Variants in XRN1 observed in about 807,000 individuals in gnomAD.
XRN1 encodes the protein 5'-3' exoribonuclease 1, also known as strand-exchange protein 1 homolog.
XRN1 carries 67 observed loss-of-function variants against 222.3 expected under a neutral mutation model. The observed-to-expected ratio is 0.30, with a 90% CI of 0.25 to 0.37. The LOEUF (loss-of-function observed/expected upper bound fraction) is 0.37, where lower values mean the gene tolerates loss of function less well. Among genes scored for constraint, XRN1 ranks in the 10% least tolerant of loss-of-function variants. XRN1 has a pLI of 1.00. For synonymous variants in XRN1, 643 were observed against 652.4 expected (o/e 0.99, Z 0.22); for missense variants, 1,707 against 2,000.2 (o/e 0.85, Z 2.80).
intron 9 of XRN1, 152 bp downstream of exon 9, chr3:142,421,324 A>G (rs965861151): frequency 7.6e-6 from 7 of 924,476 alleles, no homozygotes; most frequent in Non-Finnish European, 1.1e-5. Flanking sequence ...TAGAAAGCAA[A>G]TAAAAATAAA....
chr3:142,383,617 C>A (rs1336469715), intron 21 of XRN1, among the ~76,000 whole-genome samples: 1 of 152,130 alleles, frequency 6.6e-6, no homozygotes, highest in African/African-American at 2.4e-5. Flanking sequence ...TTCATTTAAT[C>A]CTCATGACAA....
At chr3:142,323,113 T>C (rs959209338) in intron 37 of XRN1, among the ~76,000 whole-genome samples, 1 of 152,136 alleles carries the variant, frequency 6.6e-6, no homozygotes, top group Non-Finnish European at 1.5e-5. Flanking sequence ...AGCCACCGCA[T>C]CTAGCGCATG....
At chr3:142,328,614 G>A (rs2065587588) in intron 37 of XRN1, among the ~76,000 whole-genome samples, 2 of 148,272 alleles carry the variant, frequency 1.3e-5, no homozygotes, top group African/African-American at 4.9e-5. Flanking sequence ...TTCTACAGCT[G>A]TTGGATGAAA....
chr3:142,376,731 G>C (rs1050101697), intron 23 of XRN1, 137 bp from the exon 24 acceptor site: 2 of 650,090 alleles, frequency 3.1e-6, no homozygotes, highest in South Asian at 4.8e-5. Flanking sequence ...TTTTCACTTA[G>C]ATCCATTTCC....
At chr3:142,354,504 T>C (rs2066406577) in intron 32 of XRN1, among the ~76,000 whole-genome samples, 2 of 152,276 alleles carry the variant, frequency 1.3e-5, no homozygotes, top group South Asian at 4.1e-4. Flanking sequence ...CTATTCACAA[T>C]AGCAAAGACA....
At chr3:142,421,703 A>C (rs1231181322) in intron 8 of XRN1, among the ~76,000 whole-genome samples, 160 bp from the exon 9 acceptor site, 1 of 152,226 alleles carries the variant, frequency 6.6e-6, no homozygotes, top group East Asian at 1.9e-4. Context: ...GTTTCTGTGA[A>C]TTTTATGCTA....
At chr3:142,409,906 T>G (rs1311315233) in intron 15 of XRN1, among the ~76,000 whole-genome samples, 1 of 152,210 alleles carries the variant, frequency 6.6e-6, no homozygotes, top group African/African-American at 2.4e-5. Flanking sequence ...AGCAGAATCT[T>G]TAAGCTTCTT....
At chr3:142,384,500 A>G (rs1199147795) in intron 21 of XRN1, 23 bp downstream of exon 21, 1 of 1,593,962 alleles carries the variant, frequency 6.3e-7, no homozygotes, top group Non-Finnish European at 8.5e-7. Flanking sequence ...TTAAGACAGA[A>G]TTGAAACTTG....
At chr3:142,319,907 T>TACACACAC (rs113013809) in intron 37 of XRN1, among the ~76,000 whole-genome samples, 1 of 148,814 alleles carries the variant, frequency 6.7e-6, no homozygotes, top group African/African-American at 2.5e-5. Context: ...GGTGTGTGTA[T>TACACACAC]ACACACACAC....
chr3:142,366,233 G>C (rs187193204), intron 27 of XRN1, among the ~76,000 whole-genome samples: 1 of 151,956 alleles, frequency 6.6e-6, no homozygotes, highest in Non-Finnish European at 1.5e-5. Context: ...AATTCTTATC[G>C]AATTTTAAAA....
intron 25 of XRN1, among the ~76,000 whole-genome samples, chr3:142,374,275 C>T (rs555205473): frequency 1.3e-5 from 2 of 152,272 alleles, no homozygotes; most frequent in South Asian, 4.1e-4. Context: ...AGCTGCACAA[C>T]AGCCCTAGAG....
In XRN1 at chr3:142,421,040, G is replaced by C; in HGVS notation, c.1149C>G (p.Asn383Lys). 6.2e-7 allele frequency: 1 copy of C among 1,613,988 alleles called. No homozygotes were observed. Among genetic ancestry groups the C allele is most frequent in the East Asian group, 2.2e-5 (1 of 44,836 alleles). Residue 383 changes from asparagine (N) to lysine (K), a missense_variant, in exon 10 of 41, where the codon AAC becomes AAG. Around this residue, in one of 2 missense-constraint regions of XRN1, gnomAD observed 1,234 missense variants for 1,518.2 expected, o/e 0.81. Coordinates refer to ENST00000392981, the MANE Select transcript of XRN1 (RefSeq NM_001282857.2). Reference sequence around the variant, plus strand: ...CCTTTAACTTTTTCTTTTCCTTGTAGTTCCTGGCTTCTTCTGCTGCGACAC... The same window carrying C: ...CCTTTAACTTTTTCTTTTCCTTGTACTTCCTGGCTTCTTCTGCTGCGACAC... ...AAGVAAEEAR[N>K]YKEKKKLKGQ...
In XRN1 at chr3:142,431,874, ATT is replaced by A. The variant is rs1559879400; in HGVS notation, c.308+785_308+786del. Among the ~76,000 whole-genome samples, 91 of 27,582 alleles carry A rather than the reference ATT, an allele frequency of 3.3e-3. 1 individual carries two copies. The highest frequency in any genetic ancestry group is 0.03 in the African/African-American group (89 of 2,996). 18.1% of individuals were successfully genotyped at this position (27,582 alleles called of 152,430 possible). ...ATATATATTATATATAATATATTAT[ATT>A]ATATATATTATATATAATATATATA... On this transcript the variant is annotated intron_variant, in intron 2 of 40. Coordinates refer to ENST00000392981, the MANE Select transcript of XRN1 (RefSeq NM_001282857.2).
chr3:142,409,266 T>C (rs2068468205), intron 15 of XRN1, among the ~76,000 whole-genome samples: 1 of 152,258 alleles, frequency 6.6e-6, no homozygotes, highest in Non-Finnish European at 1.5e-5. Context: ...AATTTTCTCC[T>C]AAGTTTGCTT....
At chr3:142,427,361 C>T (rs1452803131) in intron 2 of XRN1, among the ~76,000 whole-genome samples, 2 of 151,512 alleles carry the variant, frequency 1.3e-5, no homozygotes, top group Non-Finnish European at 2.9e-5. Flanking sequence ...TTGAATTTTT[C>T]GGATTAGGAA....
chr3:142,332,660 T>A, intron 35 of XRN1, 126 bp from the exon 36 acceptor site: 1 of 934,242 alleles, frequency 1.1e-6, no homozygotes, highest in East Asian at 2.8e-5. Flanking sequence ...ATTAACTACA[T>A]TCAGATAGAA....
At chr3:142,326,440 T>TG (rs1387391237) in intron 37 of XRN1, among the ~76,000 whole-genome samples, 1 of 152,090 alleles carries the variant, frequency 6.6e-6, no homozygotes, top group Non-Finnish European at 1.5e-5. Context: ...ATTAATTTCT[T>TG]GGTTTCTTTT....
In XRN1 at chr3:142,421,045, TGGC is replaced by T; in HGVS notation, c.1141_1143del (p.Ala381del). The stretch of plus-strand genomic sequence containing the variant: ...AACTTTTTCTTTTCCTTGTAGTTCC[TGGC>T]TTCTTCTGCTGCGACACCTGCTGCT... On this transcript the variant is annotated inframe_deletion, in exon 10 of 41. Coordinates refer to ENST00000392981, the MANE Select transcript of XRN1 (RefSeq NM_001282857.2). 1 of 1,614,094 alleles carries T rather than the reference TGGC, an allele frequency of 6.2e-7. No individual in the cohort carries two copies. Among genetic ancestry groups the T allele is most frequent in the Non-Finnish European group, 8.5e-7 (1 of 1,179,996 alleles).
Position 142,309,987 on chromosome 3 carries a change from G to C in XRN1, c.*1524C>G, listed in dbSNP as rs148082980. 2 of 152,636 alleles carry C rather than the reference G, an allele frequency of 1.3e-5. No homozygotes were observed. Among genetic ancestry groups the C allele is most frequent in the East Asian group, 3.9e-4 (2 of 5,188 alleles). 9.5% of individuals were successfully genotyped at this position (152,636 alleles called of 1,614,324 possible). On this transcript the variant is annotated 3_prime_UTR_variant, in exon 41 of 41. Coordinates refer to ENST00000392981, the MANE Select transcript of XRN1 (RefSeq NM_001282857.2). ...GGAACTGATAAACATCTGAACTTAT[G>C]AAAATAACAGAAAATAAAATCATGG...
Sources: gnomAD v4.1 joint callset for allele counts (sites outside exome capture counted in the v4.1 genomes callset) on GRCh38, gnomAD v4.1.1 for gene constraint, gnomAD v4.1.1 regional missense constraint, MANE v1.5 for transcripts, NCBI Gene and HGNC (gene_info 2026-07-23, HGNC 2026-07-21) for gene names.